GPC6: variants seen among roughly 807,000 people sequenced by gnomAD.
GPC6 encodes the protein glypican-6.
A neutral mutation model predicts 55.2 loss-of-function variants in GPC6; 14 were observed. That is an observed-to-expected ratio of 0.25 (90% CI 0.17 to 0.40). The LOEUF (loss-of-function observed/expected upper bound fraction) is 0.40. Ranked by LOEUF, GPC6 falls within the 10% of genes least tolerant of loss-of-function variation. GPC6 has a pLI of 1.00. For missense variants in GPC6, 641 were observed against 708.5 expected, an observed-to-expected ratio of 0.90 and a Z score of 1.08; for synonymous variants, 278 against 259.6, an observed-to-expected ratio of 1.07 and a Z score of -0.68.
intron 2 of GPC6, among the ~76,000 whole-genome samples, chr13:93,795,932 G>A (rs945229631): frequency 1.3e-5 from 2 of 152,098 alleles, no homozygotes; most frequent in African/African-American, 4.8e-5. Flanking sequence ...GGTTAAGGCT[G>A]GGTGTGGTGG....
At chr13:94,139,679 G>A (rs1887307703) in intron 4 of GPC6, among the ~76,000 whole-genome samples, 1 of 152,168 alleles carries the variant, frequency 6.6e-6, no homozygotes, top group South Asian at 2.1e-4. Flanking sequence ...GCTATTTCCT[G>A]TATTCTGGCT....
chr13:93,932,973 CTTTT>C (rs59362571), intron 3 of GPC6, among the ~76,000 whole-genome samples: 53 of 102,368 alleles, frequency 5.2e-4, no homozygotes, highest in African/African-American at 1.7e-3. Context: ...TTGTTTTGTT[CTTTT>C]TTTTTTTTTT....
chr13:93,987,914 A>G (rs952176769), intron 3 of GPC6, among the ~76,000 whole-genome samples: 10 of 152,166 alleles, frequency 6.6e-5, no homozygotes, highest in African/African-American at 2.4e-4. Flanking sequence ...TGGAGGTTTC[A>G]TCTACAAAGG....
intron 4 of GPC6, among the ~76,000 whole-genome samples, chr13:94,149,483 T>C (rs1887665531): frequency 6.6e-6 from 1 of 152,160 alleles, no homozygotes; most frequent in Admixed American, 6.5e-5. Flanking sequence ...AGTGCGATAG[T>C]ATGAACTGCT....
intron 2 of GPC6, among the ~76,000 whole-genome samples, chr13:93,546,205 C>T (rs1191614269): frequency 6.6e-6 from 1 of 152,152 alleles, no homozygotes; most frequent in Non-Finnish European, 1.5e-5. Context: ...CAGACTTGCA[C>T]CTTGTGGTGA....
intron 1 of GPC6, among the ~76,000 whole-genome samples, chr13:93,454,953 G>C (rs945855107): frequency 2.6e-5 from 4 of 152,250 alleles, no homozygotes; most frequent in Non-Finnish European, 4.4e-5. Context: ...CCAAGGCCTG[G>C]TGAGAAATCG....
At chr13:93,631,896 T>A (rs1378093270) in intron 2 of GPC6, among the ~76,000 whole-genome samples, 7 of 152,204 alleles carry the variant, frequency 4.6e-5, no homozygotes, top group Admixed American at 3.9e-4. Flanking sequence ...AGTATGTGCC[T>A]TCTGGGATTT....
chr13:93,477,621 A>C (rs1386805105), intron 1 of GPC6, among the ~76,000 whole-genome samples: 1 of 152,172 alleles, frequency 6.6e-6, no homozygotes, highest in Admixed American at 6.5e-5. Context: ...TATTTTCTTA[A>C]AAAAAGGAGG....
rs1432505602 is a variant in GPC6, at chr13:94,405,738, C to T, written c.*2521C>T. 1 of 152,118 alleles carries T rather than the reference C, an allele frequency of 6.6e-6. No individual in the cohort carries two copies. The highest frequency in any genetic ancestry group is 1.5e-5 in the Non-Finnish European group (1 of 68,002). 9.4% of individuals were successfully genotyped at this position (152,118 alleles called of 1,614,324 possible). A position where few individuals can be genotyped will look rare whatever the true frequency, so the allele number is the denominator to read the frequency against. On this transcript the variant is annotated 3_prime_UTR_variant, in exon 9 of 9. Coordinates refer to ENST00000377047, the MANE Select transcript of GPC6 (RefSeq NM_005708.5). ...TTCATATTGATGAGATATAGTGATG[C>T]ATAATGAGCCAGGCAGAGAGCTGAA...
At chr13:94,089,924 C>T (rs1213512567) in intron 4 of GPC6, among the ~76,000 whole-genome samples, 1 of 152,090 alleles carries the variant, frequency 6.6e-6, no homozygotes, top group African/African-American at 2.4e-5. Flanking sequence ...GTTAGGTATA[C>T]CTCAAGACCA....
intron 5 of GPC6, among the ~76,000 whole-genome samples, chr13:94,295,662 C>G (rs78369865): frequency 0.021 from 3,250 of 152,196 alleles, 106 homozygotes; most frequent in African/African-American, 0.07. Context: ...ATCAACACCT[C>G]CATAGCAAAG....
intron 1 of GPC6, among the ~76,000 whole-genome samples, chr13:93,481,301 G>A (rs553989776): frequency 1.3e-5 from 2 of 152,102 alleles, no homozygotes; most frequent in East Asian, 3.9e-4. Flanking sequence ...TTTTATTTGT[G>A]TATTGTAAGG....
chr13:94,078,482 T>C (rs1372244208), intron 4 of GPC6, among the ~76,000 whole-genome samples: 1 of 151,412 alleles, frequency 6.6e-6, no homozygotes, highest in Non-Finnish European at 1.5e-5. Flanking sequence ...TTTGCAAAGA[T>C]AAAATTGACA....
At chr13:94,248,800 G>A (rs1168099320) in intron 4 of GPC6, among the ~76,000 whole-genome samples, 1 of 152,054 alleles carries the variant, frequency 6.6e-6, no homozygotes, top group Non-Finnish European at 1.5e-5. Flanking sequence ...TAGGGATATT[G>A]AAGTACTATT....
At chr13:93,689,679 A>G (rs1348452883) in intron 2 of GPC6, among the ~76,000 whole-genome samples, 2 of 152,152 alleles carry the variant, frequency 1.3e-5, no homozygotes, top group Non-Finnish European at 2.9e-5. Context: ...AAAACATTAA[A>G]TCACAATGAC....
chr13:94,229,913 T>C (rs1446167508), intron 4 of GPC6, among the ~76,000 whole-genome samples: 1 of 152,182 alleles, frequency 6.6e-6, no homozygotes, highest in Non-Finnish European at 1.5e-5. Context: ...TGGTGACAGA[T>C]ATTCTATGAC....
At chr13:93,265,212 T>C (rs1594060611) in intron 1 of GPC6, among the ~76,000 whole-genome samples, 1 of 152,242 alleles carries the variant, frequency 6.6e-6, no homozygotes, top group South Asian at 2.1e-4. Context: ...TTCTGACCTT[T>C]AGAAAGAGCT....
intron 3 of GPC6, among the ~76,000 whole-genome samples, chr13:93,860,880 G>T (rs1224326960): frequency 6.6e-6 from 1 of 151,564 alleles, no homozygotes; most frequent in Non-Finnish European, 1.5e-5. Context: ...ATAGCAAAAT[G>T]AAAATATAAT....
At chr13:94,378,033 C>G (rs1879972844) in intron 6 of GPC6, among the ~76,000 whole-genome samples, 1 of 152,038 alleles carries the variant, frequency 6.6e-6, no homozygotes, top group African/African-American at 2.4e-5. Flanking sequence ...ACATCACACT[C>G]TGGGGACTGT....
Sources: allele counts gnomAD v4.1 joint callset (sites outside exome capture counted in the v4.1 genomes callset), GRCh38; gene constraint gnomAD v4.1.1; transcripts MANE v1.5; gene names NCBI Gene and HGNC (gene_info 2026-07-23, HGNC 2026-07-21).